The following DNM3 variants were observed in gnomAD, a reference collection of about 807,000 sequenced individuals.
DNM3 encodes the protein dynamin-3.
In DNM3, 47 loss-of-function variants were observed where a neutral mutation model predicts 101.6. The observed-to-expected ratio is 0.46, with a 90% CI of 0.37 to 0.59. DNM3 has a LOEUF of 0.59. Among genes scored for constraint, DNM3 ranks in the 20% least tolerant of loss-of-function variants. The pLI is 0.00. For synonymous variants in DNM3, 385 were observed against 387.9 expected, an observed-to-expected ratio of 0.99 and a Z score of 0.09; for missense variants, 849 against 1,085.7, an observed-to-expected ratio of 0.78 and a Z score of 3.06.
chr1:171,917,917 A>G (rs2039848416), intron 1 of DNM3, among the ~76,000 whole-genome samples: 1 of 152,188 alleles, frequency 6.6e-6, no homozygotes, highest in Non-Finnish European at 1.5e-5. Flanking sequence ...GAGAAAACCT[A>G]TTGCACAGAA....
intron 17 of DNM3, among the ~76,000 whole-genome samples, chr1:172,371,910 ATTTATTTATTT>A (rs2068351921): frequency 1.5e-5 from 2 of 132,524 alleles, no homozygotes; most frequent in Admixed American, 1.5e-4. Flanking sequence ...TTATTTATTT[ATTTATTTATTT>A]TTTATTATTA....
At chr1:172,332,924 A>G (rs2066251908) in intron 17 of DNM3, among the ~76,000 whole-genome samples, 1 of 152,198 alleles carries the variant, frequency 6.6e-6, no homozygotes, top group South Asian at 2.1e-4. Context: ...AGTTCAGGGA[A>G]GATGTTTGCA....
chr1:171,970,307 C>G, intron 2 of DNM3: 1 of 187,338 alleles, frequency 5.3e-6, no homozygotes, highest in Non-Finnish European at 1.0e-5. Context: ...CTTTTTTTAG[C>G]TTTATGGAAT....
chr1:172,332,880 G>A (rs1333254711), intron 17 of DNM3, among the ~76,000 whole-genome samples: 3 of 152,314 alleles, frequency 2.0e-5, no homozygotes, highest in Middle Eastern at 3.4e-3. Flanking sequence ...TCCAAATGGC[G>A]ACATCTTCTA....
intron 14 of DNM3, chr1:172,132,840 AC>A: frequency 2.7e-6 from 2 of 746,042 alleles, no homozygotes; most frequent in Non-Finnish European, 4.8e-6. Context: ...ATAAAACAAA[AC>A]CTTTTTTTAA....
rs183760590 is a variant in DNM3 at position 172,031,313 on chromosome 1, C to T, written c.590-1089C>T. ...AACTAATACAGGACAGAAAAGCAAA[C>T]ACCACATGTTCTCACTCATAAGTGG... On this transcript the variant is annotated intron_variant, in intron 4 of 20. Transcript: ENST00000627582. 3.8e-3 allele frequency among the ~76,000 whole-genome samples: 574 copies of T among 152,200 alleles called. 6 individuals are homozygous for T. Among genetic ancestry groups the T allele is most frequent in the Non-Finnish European group, 2.5e-3 (171 of 67,994 alleles).
At chr1:172,184,729 A>T (rs183914332) in intron 14 of DNM3, among the ~76,000 whole-genome samples, 8 of 152,250 alleles carry the variant, frequency 5.3e-5, no homozygotes, top group Admixed American at 5.2e-4. Context: ...ACGGAATCTG[A>T]CCCATGGACT....
At chr1:171,857,418 G>T (rs2033724798) in intron 1 of DNM3, among the ~76,000 whole-genome samples, 1 of 152,142 alleles carries the variant, frequency 6.6e-6, no homozygotes, top group Admixed American at 6.6e-5. Flanking sequence ...ACTTTGAGTA[G>T]ATCCCTGGAG....
In DNM3 at chr1:171,979,404, C is replaced by A. The variant is rs374027445; in HGVS notation, c.236-8252C>A. On this transcript the variant is annotated intron_variant, in intron 2 of 20. Coordinates refer to ENST00000627582, the MANE Select transcript of DNM3 (RefSeq NM_015569.5). ...ATCTGCACTGCCATGTTTGTTGTAG[C>A]ATGGTTCACAATAGCTAAGATTTGG... is the stretch of plus-strand genomic sequence containing the variant. Among the ~76,000 whole-genome samples, 17 of 152,250 alleles carry A rather than the reference C, an allele frequency of 1.1e-4. No homozygotes were observed. The South Asian group carries it at 3.5e-3, about 32-fold the overall frequency.
At chr1:171,899,316 C>T (rs1054170861) in intron 1 of DNM3, among the ~76,000 whole-genome samples, 2 of 152,148 alleles carry the variant, frequency 1.3e-5, no homozygotes. Flanking sequence ...TGCTAGTGTG[C>T]CACTTTTGGT....
chr1:172,163,987 A>C lies in DNM3; in HGVS notation c.1659+32699A>C, dbSNP rs546882144. Reference sequence around the variant, plus strand: ...CACACACACACACACACACACACACATCTCACATTTTTTTTTATCCATTCA... The same window carrying C: ...CACACACACACACACACACACACACCTCTCACATTTTTTTTTATCCATTCA... On this transcript the variant is annotated intron_variant, in intron 14 of 20. Coordinates refer to ENST00000627582, the MANE Select transcript of DNM3 (RefSeq NM_015569.5). Among the ~76,000 whole-genome samples, 634 of 143,582 alleles carry C rather than the reference A, an allele frequency of 4.4e-3. 4 individuals are homozygous for C. Among genetic ancestry groups the C allele is most frequent in the Non-Finnish European group, 6.2e-3 (407 of 65,590 alleles). 94.2% of individuals were successfully genotyped at this position (143,582 alleles called of 152,430 possible).
At chr1:172,344,064 C>T (rs1382428667) in intron 17 of DNM3, among the ~76,000 whole-genome samples, 1 of 152,150 alleles carries the variant, frequency 6.6e-6, no homozygotes, top group East Asian at 1.9e-4. Context: ...ATGATCACGT[C>T]TACAGCCAAA....
At chr1:172,375,361 G>C (rs1372881341) in intron 17 of DNM3, among the ~76,000 whole-genome samples, 1 of 152,026 alleles carries the variant, frequency 6.6e-6, no homozygotes, top group African/African-American at 2.4e-5. Flanking sequence ...TGGTGGTGGG[G>C]TGAGCATCAT....
intron 4 of DNM3, among the ~76,000 whole-genome samples, chr1:172,010,154 C>T (rs2047014213): frequency 6.6e-6 from 1 of 151,924 alleles, no homozygotes; most frequent in Non-Finnish European, 1.5e-5. Context: ...ATATACAAAA[C>T]ACATGCTATG....
chr1:172,256,472 C>T (rs527700863), intron 15 of DNM3, among the ~76,000 whole-genome samples: 10 of 151,924 alleles, frequency 6.6e-5, no homozygotes, highest in Non-Finnish European at 1.5e-4. Flanking sequence ...TTCTGTTTTG[C>T]TTTAAATATA....
intron 14 of DNM3, among the ~76,000 whole-genome samples, chr1:172,232,661 A>G (rs1362718722): frequency 3.3e-5 from 5 of 152,218 alleles, no homozygotes; most frequent in African/African-American, 4.8e-5. Flanking sequence ...CAGCAAATGT[A>G]AAAGAACAGA....
chr1:172,350,922 C>G (rs1343965409), intron 17 of DNM3, among the ~76,000 whole-genome samples: 1 of 152,260 alleles, frequency 6.6e-6, no homozygotes, highest in South Asian at 2.1e-4. Flanking sequence ...TTCCAAGTCT[C>G]CCAGAGACAA....
chr1:172,211,138 T>C (rs2060499204), intron 14 of DNM3, among the ~76,000 whole-genome samples: 1 of 152,090 alleles, frequency 6.6e-6, no homozygotes, highest in South Asian at 2.1e-4. Context: ...ATCAACCCTA[T>C]CTATAAAGAT....
chr1:171,955,644 G>A (rs910138388), intron 2 of DNM3, among the ~76,000 whole-genome samples: 2 of 152,180 alleles, frequency 1.3e-5, no homozygotes, highest in African/African-American at 4.8e-5. Context: ...AGAGATACCT[G>A]CCCTAATAGG....
Sources: allele counts gnomAD v4.1 joint callset (sites outside exome capture counted in the v4.1 genomes callset), GRCh38; gene constraint gnomAD v4.1.1; transcripts MANE v1.5; gene names NCBI Gene and HGNC (gene_info 2026-07-23, HGNC 2026-07-21).